ADAMTSL1: variants seen among roughly 807,000 people sequenced by gnomAD.
ADAMTSL1 encodes the protein ADAMTS like 1, also known as ADAMTS-like protein 1.
In ADAMTSL1, 126 loss-of-function variants were observed where a neutral mutation model predicts 201.8. That is an observed-to-expected ratio of 0.62 (90% CI 0.54 to 0.72). The LOEUF (loss-of-function observed/expected upper bound fraction) is 0.72, where lower values mean the gene tolerates loss of function less well. Among genes scored for constraint, ADAMTSL1 ranks in the 30% least tolerant of loss-of-function variants. The pLI is 0.00. For missense variants in ADAMTSL1, 2,679 were observed against 2,277.8 expected (o/e 1.18, Z -3.59); for synonymous variants, 1,121 against 903.4 (o/e 1.24, Z -4.32).
At chr9:17,960,012 G>A (rs1817676396) in intron 1 of ADAMTSL1, among the ~76,000 whole-genome samples, 1 of 152,108 alleles carries the variant, frequency 6.6e-6, no homozygotes, top group African/African-American at 2.4e-5. Context: ...AAGTTGCAGT[G>A]ACTTAAACGT....
At chr9:18,190,037 G>T (rs1230187881) in intron 2 of ADAMTSL1, among the ~76,000 whole-genome samples, 1 of 152,196 alleles carries the variant, frequency 6.6e-6, no homozygotes, top group African/African-American at 2.4e-5. Context: ...GCCTGGTCAG[G>T]TTTCAAATGA....
intron 1 of ADAMTSL1, among the ~76,000 whole-genome samples, chr9:18,157,969 G>T (rs1225603625): frequency 6.6e-6 from 1 of 151,980 alleles, no homozygotes; most frequent in African/African-American, 2.4e-5. Context: ...ACTACAGAGT[G>T]TCTGTCTAAA....
upstream of ADAMTSL1, chr9:18,474,076 C>T (rs1821329085): frequency 5.5e-6 from 2 of 364,568 alleles, no homozygotes; most frequent in Non-Finnish European, 1.1e-5. Flanking sequence ...CCCCACCCAT[C>T]CACCCACCCA....
chr9:18,127,084 C>T (rs1189264687), intron 1 of ADAMTSL1, among the ~76,000 whole-genome samples: 1 of 152,100 alleles, frequency 6.6e-6, no homozygotes, highest in Non-Finnish European at 1.5e-5. Flanking sequence ...CAGTGTGTAA[C>T]TGGGAGCTCA....
chr9:18,606,810 G>T (rs144747565), intron 4 of ADAMTSL1, among the ~76,000 whole-genome samples: 105 of 152,212 alleles, frequency 6.9e-4, no homozygotes, highest in African/African-American at 2.4e-3. Context: ...CTCAAGTTTG[G>T]TAAGTGAGAA....
At chr9:18,144,994 G>A (rs1056754518) in intron 1 of ADAMTSL1, among the ~76,000 whole-genome samples, 1 of 152,192 alleles carries the variant, frequency 6.6e-6, no homozygotes. Context: ...TAATAGAAGT[G>A]TCCAAACAGA....
At chr9:18,014,183 C>T (rs151144005) in intron 1 of ADAMTSL1, among the ~76,000 whole-genome samples, 67 of 152,048 alleles carry the variant, frequency 4.4e-4, no homozygotes, top group African/African-American at 1.3e-3. Flanking sequence ...GCTGTGTGCC[C>T]CAGGAAGTGC....
At chr9:17,907,256 AC>A (rs1825753832) in intron 1 of ADAMTSL1, among the ~76,000 whole-genome samples, 1 of 151,476 alleles carries the variant, frequency 6.6e-6, no homozygotes, top group African/African-American at 2.4e-5. Flanking sequence ...ACAGTCCTCT[AC>A]CCCCCACCCT....
At chr9:18,896,687 C>A (rs747148230) in intron 26 of ADAMTSL1, among the ~76,000 whole-genome samples, 7 of 152,160 alleles carry the variant, frequency 4.6e-5, no homozygotes, top group Non-Finnish European at 1.0e-4. Context: ...ACAACCCCAC[C>A]CAGGAAACCA....
chr9:18,506,084 T>C (rs532688458), intron 2 of ADAMTSL1, among the ~76,000 whole-genome samples: 2 of 152,370 alleles, frequency 1.3e-5, no homozygotes, highest in East Asian at 3.9e-4. Flanking sequence ...ATTTGGCCAC[T>C]GTGGCATTGA....
At chr9:18,273,843 T>C (rs1312730757) in intron 2 of ADAMTSL1, among the ~76,000 whole-genome samples, 4 of 152,236 alleles carry the variant, frequency 2.6e-5, no homozygotes, top group Non-Finnish European at 5.9e-5. Context: ...TCTTCCACTG[T>C]TGAGTATCAA....
intron 2 of ADAMTSL1, among the ~76,000 whole-genome samples, chr9:18,436,434 T>C (rs1252001190): frequency 6.6e-6 from 1 of 152,192 alleles, no homozygotes; most frequent in Non-Finnish European, 1.5e-5. Context: ...TTTATTTCAC[T>C]TCTACTCAGT....
intron 5 of ADAMTSL1, 21 bp from the exon 6 acceptor site, chr9:18,635,922 T>G: frequency 6.3e-7 from 1 of 1,589,784 alleles, no homozygotes; most frequent in Non-Finnish European, 8.5e-7. Flanking sequence ...GCTTTTAAGA[T>G]TTTGCTTTGT....
chr9:17,915,897 T>C (rs1345270815), intron 1 of ADAMTSL1, among the ~76,000 whole-genome samples: 2 of 152,220 alleles, frequency 1.3e-5, no homozygotes, highest in African/African-American at 4.8e-5. Flanking sequence ...GTTTTCTTAT[T>C]GGGCTTGGAG....
chr9:18,722,356 C>T (rs549008524), intron 15 of ADAMTSL1, among the ~76,000 whole-genome samples: 2 of 152,094 alleles, frequency 1.3e-5, no homozygotes, highest in Middle Eastern at 3.4e-3. Context: ...GGAAGGGAGA[C>T]GTTTAAGAAC....
At chr9:18,293,733 C>T (rs1833364143) in intron 2 of ADAMTSL1, among the ~76,000 whole-genome samples, 1 of 152,140 alleles carries the variant, frequency 6.6e-6, no homozygotes, top group Admixed American at 6.5e-5. Context: ...GGAAAATAAC[C>T]TTCTGTTTAA....
At chr9:18,057,323 A>G (rs564780139) in intron 1 of ADAMTSL1, among the ~76,000 whole-genome samples, 28 of 152,306 alleles carry the variant, frequency 1.8e-4, no homozygotes, top group Middle Eastern at 6.8e-3. Flanking sequence ...TTCCCTATCT[A>G]ATTCATTTTG....
intron 1 of ADAMTSL1, among the ~76,000 whole-genome samples, chr9:17,948,924 C>G (rs1224810995): frequency 6.6e-6 from 1 of 152,152 alleles, no homozygotes; most frequent in Non-Finnish European, 1.5e-5. Context: ...TATTACCACT[C>G]CCTTTACATG....
chr9:18,712,590 G>A (rs1180451813), intron 14 of ADAMTSL1, among the ~76,000 whole-genome samples: 1 of 151,780 alleles, frequency 6.6e-6, no homozygotes, highest in Non-Finnish European at 1.5e-5. Flanking sequence ...CAAGAAATAT[G>A]GGACTATGTG....
Sources: gnomAD v4.1 joint callset for allele counts (sites outside exome capture counted in the v4.1 genomes callset) on GRCh38, gnomAD v4.1.1 for gene constraint, MANE v1.5 for transcripts, NCBI Gene and HGNC (gene_info 2026-07-23, HGNC 2026-07-21) for gene names.